The following AKR1C1 variants were observed in gnomAD, a reference collection of about 807,000 sequenced individuals.
AKR1C1 encodes the protein aldo-keto reductase family 1 member C1.
A neutral mutation model predicts 40.6 loss-of-function variants in AKR1C1; 32 were observed. The ratio of observed to expected loss-of-function variants is 0.79; its 90% CI spans 0.60 to 1.06. AKR1C1 has a LOEUF of 1.06. Ranked by LOEUF, AKR1C1 falls within the 50% of genes least tolerant of loss-of-function variation. The pLI, the probability that AKR1C1 is intolerant of heterozygous loss-of-function variation, is 0.00. For synonymous variants in AKR1C1, 105 were observed against 134.2 expected (o/e 0.78, Z 1.50); for missense variants, 320 against 363.5 (o/e 0.88, Z 0.97).
rs139089923 is a variant in AKR1C1 at position 4,966,945 on chromosome 10, C to G, written c.271C>G (p.Arg91Gly). 3 of 1,613,104 alleles carry G rather than the reference C, an allele frequency of 1.9e-6. No individual in the cohort carries two copies. The highest frequency in any genetic ancestry group is 1.3e-5 in the African/African-American group (1 of 74,882). ...TCTGCAGCTTTGGTGCAATTCCCAT[C>G]GACCAGAGTTGGTCCGACCAGCCTT... The part of the protein sequence containing the change: ...YTSKLWCNSH[R>G]PELVRPALER... The change falls in exon 3 of 9, where the codon CGA (arginine) becomes GGA (glycine). Residue 91 changes from arginine to glycine, a missense_variant. Around this residue, in one of 3 missense-constraint regions of AKR1C1, gnomAD observed 214 missense variants for 214.8 expected, o/e 1.00. Coordinates refer to ENST00000380872, the MANE Select transcript of AKR1C1 (RefSeq NM_001353.6).
intron 8 of AKR1C1, among the ~76,000 whole-genome samples, chr10:4,976,955 G>T (rs75391810): frequency 2.0e-5 from 3 of 151,552 alleles, no homozygotes; most frequent in African/African-American, 7.3e-5. Flanking sequence ...AATGTTTTTG[G>T]GGATCATGAA....
chr10:4,974,121 A>G (rs1836486174), intron 7 of AKR1C1, among the ~76,000 whole-genome samples: 1 of 151,720 alleles, frequency 6.6e-6, no homozygotes, highest in African/African-American at 2.4e-5. Context: ...CATTTACTAT[A>G]TTATTTTAAA....
intron 1 of AKR1C1, chr10:4,963,908 G>A (rs1389462442): frequency 1.3e-6 from 1 of 753,528 alleles, no homozygotes; most frequent in African/African-American, 1.7e-5. Flanking sequence ...GTGGAGACGG[G>A]GTGGATGAAA....
At chr10:4,968,577 T>C (rs1196649895) in intron 4 of AKR1C1, among the ~76,000 whole-genome samples, 191 bp downstream of exon 4, 3 of 152,070 alleles carry the variant, frequency 2.0e-5, no homozygotes, top group Non-Finnish European at 4.4e-5. Flanking sequence ...AGGAGAAGAA[T>C]TGGGGGTAAG....
chr10:4,983,157 C>A lies in AKR1C1; in HGVS notation c.*5415C>A. On this transcript the variant is annotated 3_prime_UTR_variant, in exon 9 of 9. Transcript: ENST00000380872. ...GCCCCATGGACATCCTGAAGCAGAG[C>A]TGCCTCACTGCCCTGCACACACATG... 3.9e-6 allele frequency: 1 copy of A among 254,288 alleles called. No individual in the cohort carries two copies. Among genetic ancestry groups the A allele is most frequent in the Middle Eastern group, 1.4e-3 (1 of 718 alleles). 15.8% of individuals were successfully genotyped at this position (254,288 alleles called of 1,614,324 possible).
At chr10:4,965,884 A>G (rs1455827195) in intron 1 of AKR1C1, 30 bp from the exon 2 acceptor site, 3 of 1,594,922 alleles carry the variant, frequency 1.9e-6, no homozygotes, top group Admixed American at 1.8e-5. Flanking sequence ...CACATTAGTC[A>G]GAAAATACTA....
chr10:4,965,967 C>G lies in AKR1C1; in HGVS notation c.138C>G (p.Phe46Leu), dbSNP rs1204599670. ...EATKLAIEAGFRHIDSAHLYN... is the reference protein window; with the variant it reads ...EATKLAIEAGLRHIDSAHLYN... ...CCAAATTGGCAATTGAAGCTGGCTTCCGCCATATTGATTCTGCTCATTTAT... is the reference window on the plus strand; with the variant it reads ...CCAAATTGGCAATTGAAGCTGGCTTGCGCCATATTGATTCTGCTCATTTAT... The change falls in exon 2 of 9, where the codon TTC becomes TTG. Residue 46 changes from phenylalanine to leucine, a missense_variant. Physicochemically the swap from Phe to Leu is conservative, Grantham distance 22. This residue lies in a region of AKR1C1 where 214 missense variants were observed against 214.8 expected (regional missense o/e 1.00). Transcript: ENST00000380872. The G allele has an allele frequency of 3.5e-5, 56 of 1,614,096 alleles. No individual in the cohort carries two copies. Among genetic ancestry groups the G allele is most frequent in the Non-Finnish European group, 4.7e-5 (55 of 1,180,024 alleles).
rs1446607150 is a variant in AKR1C1, at chr10:4,981,385, A to G, written c.*3643A>G. 1 of 152,226 alleles carries G rather than the reference A, an allele frequency of 6.6e-6. No individual in the cohort carries two copies. The highest frequency in any genetic ancestry group is 1.5e-5 in the Non-Finnish European group (1 of 68,036). 9.4% of individuals were successfully genotyped at this position (152,226 alleles called of 1,614,324 possible). On this transcript the variant is annotated 3_prime_UTR_variant, in exon 9 of 9. Coordinates refer to ENST00000380872, the MANE Select transcript of AKR1C1 (RefSeq NM_001353.6). Reference sequence around the variant, plus strand: ...AAGAAATCAGAGATATCACAAAATGACAAAACAAGTACAGGGGCAGCAAAA... The same window carrying G: ...AAGAAATCAGAGATATCACAAAATGGCAAAACAAGTACAGGGGCAGCAAAA...
chr10:4,967,009 A>T lies in AKR1C1; in HGVS notation c.335A>T (p.Asp112Val), dbSNP rs774806896. The change falls in exon 3 of 9, where the codon GAC (aspartate) becomes GTC (valine). Residue 112 changes from aspartate (D) to valine (V), a missense_variant. Asp to Val is a radical substitution (Grantham distance 152). This residue lies in a region of AKR1C1 where 214 missense variants were observed against 214.8 expected (regional missense o/e 1.00). Transcript: ENST00000380872. Reference protein sequence around the residue: ...SLKNLQLDYVDLYLIHFPVSV... With the variant: ...SLKNLQLDYVVLYLIHFPVSV... ...AAAAATCTTCAATTGGATTATGTTGACCTCTACCTTATTCATTTTCCAGTG... is the reference window on the plus strand; with the variant it reads ...AAAAATCTTCAATTGGATTATGTTGTCCTCTACCTTATTCATTTTCCAGTG... The T allele has an allele frequency of 6.2e-7, 1 of 1,613,730 alleles. No homozygotes were observed. Among genetic ancestry groups the T allele is most frequent in the African/African-American group, 1.3e-5 (1 of 74,894 alleles).
Position 4,972,526 on chromosome 10 carries a change from C to T in AKR1C1, c.681-58C>T, listed in dbSNP as rs1433295216. 1.5e-4 allele frequency: 249 copies of T among 1,610,398 alleles called. 7 individuals are homozygous for T. The highest frequency in any genetic ancestry group is 3.5e-4 in the Middle Eastern group (2 of 5,780). On this transcript the variant is annotated intron_variant, in intron 6 of 8. Transcript: ENST00000380872. ...GGACGCCTTAGTCTGTTTAGGGAGC[C>T]GCCTAACAAACTGTATCCCCAGCCT...
At chr10:4,968,568 G>A (rs891483465) in intron 4 of AKR1C1, among the ~76,000 whole-genome samples, 182 bp downstream of exon 4, 3 of 152,106 alleles carry the variant, frequency 2.0e-5, no homozygotes, top group Non-Finnish European at 2.9e-5. Context: ...GAGAAGTGGA[G>A]GAGAAGAATT....
intron 8 of AKR1C1, among the ~76,000 whole-genome samples, chr10:4,976,739 C>G (rs1413783436): frequency 6.6e-6 from 1 of 152,086 alleles, no homozygotes; most frequent in East Asian, 1.9e-4. Flanking sequence ...AGTTATGTAA[C>G]TGCTGGCAGT....
At position 4,982,931 on chromosome 10, in the gene AKR1C1, C is replaced by G; in HGVS notation, c.*5189C>G. On this transcript the variant is annotated 3_prime_UTR_variant, in exon 9 of 9. Transcript: ENST00000380872. Reference sequence around the variant, plus strand: ...CGGTCCGCATGACAAGTTCACCGCTCGCATAACCAGCATTCAAGAAAGCCA... The same window carrying G: ...CGGTCCGCATGACAAGTTCACCGCTGGCATAACCAGCATTCAAGAAAGCCA... The G allele has an allele frequency of 2.2e-6, 1 of 450,676 alleles. No individual in the cohort carries two copies. The highest frequency in any genetic ancestry group is 4.4e-6 in the Non-Finnish European group (1 of 224,980). The allele number at this position is 450,676 out of a possible 1,614,324, so 27.9% of individuals were successfully genotyped here.
chr10:4,968,570 A>G (rs1227548548), intron 4 of AKR1C1, among the ~76,000 whole-genome samples, 184 bp downstream of exon 4: 7 of 152,162 alleles, frequency 4.6e-5, no homozygotes, highest in Non-Finnish European at 8.8e-5. Context: ...GAAGTGGAGG[A>G]GAAGAATTGG....
rs1554771199 is a variant in AKR1C1, at chr10:4,982,477, C to T, written c.*4735C>T. On this transcript the variant is annotated 3_prime_UTR_variant, in exon 9 of 9. Transcript: ENST00000380872. ...CTTCTGTGCAGCAGAGGCAATTAAA[C>T]TCTCCTCTGGAACATTACCCCAGCA... 1 of 155,042 alleles carries T rather than the reference C, an allele frequency of 6.4e-6. No homozygotes were observed. The highest frequency in any genetic ancestry group is 2.4e-5 in the African/African-American group (1 of 41,330). 9.6% of individuals were successfully genotyped at this position (155,042 alleles called of 1,614,324 possible). A position where few individuals can be genotyped will look rare whatever the true frequency, so the allele number is the denominator to read the frequency against.
chr10:4,969,566 A>G, intron 5 of AKR1C1: 3 of 1,204,516 alleles, frequency 2.5e-6, no homozygotes, highest in South Asian at 1.3e-5. Flanking sequence ...TCAGCAGAAC[A>G]TGGAGCTGAC....
At chr10:4,976,237 C>G (rs1836524558) in intron 8 of AKR1C1, among the ~76,000 whole-genome samples, 1 of 152,224 alleles carries the variant, frequency 6.6e-6, no homozygotes, top group African/African-American at 2.4e-5. Flanking sequence ...GTGCTACTGT[C>G]TAGTGTACAC....
intron 3 of AKR1C1, chr10:4,968,107 T>C (rs1057192602): frequency 1.9e-6 from 2 of 1,052,576 alleles, no homozygotes; most frequent in African/African-American, 3.3e-5. Flanking sequence ...ATACATGTAA[T>C]AGTTGTAAGA....
In AKR1C1 at chr10:4,968,811, CT is replaced by C; in HGVS notation, c.448-6del. On this transcript the variant is annotated splice_polypyrimidine_tract_variant and intron_variant, in intron 4 of 8. Transcript: ENST00000380872. ...CTTGATCTTCCACACCTCACAATTC[CT>C]TTTTCCCAGGCCGTGGAGAAGTGTA... 2 of 1,613,908 alleles carry C rather than the reference CT, an allele frequency of 1.2e-6. No individual in the cohort carries two copies. The highest frequency in any genetic ancestry group is 1.7e-6 in the Non-Finnish European group (2 of 1,179,878).
Sources: gnomAD v4.1 joint callset for allele counts (sites outside exome capture counted in the v4.1 genomes callset) on GRCh38, gnomAD v4.1.1 for gene constraint, gnomAD v4.1.1 regional missense constraint, MANE v1.5 for transcripts, NCBI Gene and HGNC (gene_info 2026-07-23, HGNC 2026-07-21) for gene names.